Variants in PIGL observed in about 807,000 individuals in gnomAD.
The protein encoded by PIGL is N-acetylglucosaminyl-phosphatidylinositol de-N-acetylase.
PIGL carries 22 observed loss-of-function variants against 31.1 expected under a neutral mutation model. The observed-to-expected ratio is 0.71, with a 90% confidence interval of 0.51 to 1.01. The LOEUF (loss-of-function observed/expected upper bound fraction) is 1.01, where lower values mean the gene tolerates loss of function less well. PIGL is among the 50% of genes least tolerant of loss of function. The pLI is 0.00. For synonymous variants in PIGL, 131 were observed against 117.4 expected (o/e 1.12, Z -0.75); for missense variants, 302 against 315.9 (o/e 0.96, Z 0.33).
chr17:16,219,986 G>A (rs1284249595), intron 1 of PIGL, among the ~76,000 whole-genome samples: 1 of 152,092 alleles, frequency 6.6e-6, no homozygotes, highest in Non-Finnish European at 1.5e-5. Flanking sequence ...AGGTATAGCT[G>A]TTTAATAAAC....
At chr17:16,313,501 A>G in intron 3 of PIGL, 46 bp from the exon 4 acceptor site, 1 of 1,334,824 alleles carries the variant, frequency 7.5e-7, no homozygotes, top group Non-Finnish European at 1.1e-6. Context: ...ATTGAAGTTG[A>G]GGTGGTGGAG....
At chr17:16,264,355 A>G (rs1020348154) in intron 2 of PIGL, among the ~76,000 whole-genome samples, 5 of 152,114 alleles carry the variant, frequency 3.3e-5, no homozygotes, top group African/African-American at 1.2e-4. Flanking sequence ...CATGTTGGCC[A>G]GGCTGGTCTC....
chr17:16,325,324 A>G (rs76379096), intron 6 of PIGL, among the ~76,000 whole-genome samples: 8,158 of 109,832 alleles, frequency 0.074, 380 homozygotes, highest in African/African-American at 0.15. Context: ...CAGCCTGGGC[A>G]ACAGGCTCAA....
chr17:16,256,800 T>A (rs920173715), intron 2 of PIGL, among the ~76,000 whole-genome samples: 1 of 151,024 alleles, frequency 6.6e-6, no homozygotes, highest in Non-Finnish European at 1.5e-5. Context: ...GCTCAAGTGA[T>A]CCTCAGCCTC....
At chr17:16,260,845 C>T (rs2092816349) in intron 2 of PIGL, among the ~76,000 whole-genome samples, 1 of 152,110 alleles carries the variant, frequency 6.6e-6, no homozygotes, top group Admixed American at 6.6e-5. Context: ...TACAGCCGGT[C>T]ACAGTGGCTC....
At chr17:16,258,599 G>A (rs933702245) in intron 2 of PIGL, among the ~76,000 whole-genome samples, 1 of 152,006 alleles carries the variant, frequency 6.6e-6, no homozygotes, top group Non-Finnish European at 1.5e-5. Context: ...CGCCTCCCGG[G>A]CCCAAGCGAT....
chr17:16,244,681 T>G (rs1394200825), intron 2 of PIGL, among the ~76,000 whole-genome samples: 3 of 152,060 alleles, frequency 2.0e-5, no homozygotes, highest in East Asian at 1.9e-4. Context: ...TTGGTTTTTG[T>G]TTTTTGCTTT....
intron 2 of PIGL, among the ~76,000 whole-genome samples, chr17:16,252,326 C>T (rs2092776301): frequency 6.6e-6 from 1 of 151,984 alleles, no homozygotes; most frequent in Non-Finnish European, 1.5e-5. Flanking sequence ...CCCGCCTTGG[C>T]CTCCCAAACT....
intron 1 of PIGL, among the ~76,000 whole-genome samples, chr17:16,223,832 C>G (rs991264389): frequency 2.6e-5 from 4 of 152,128 alleles, no homozygotes; most frequent in Non-Finnish European, 5.9e-5. Context: ...CTAGACTGCA[C>G]TGCCAGCTCT....
chr17:16,305,145 C>T (rs1461327917), intron 3 of PIGL, among the ~76,000 whole-genome samples: 2 of 152,116 alleles, frequency 1.3e-5, no homozygotes, highest in Non-Finnish European at 2.9e-5. Flanking sequence ...GGTGTGGTAG[C>T]ATGCACTTAT....
chr17:16,235,749 G>A (rs1054827082), intron 2 of PIGL, among the ~76,000 whole-genome samples: 7 of 139,096 alleles, frequency 5.0e-5, no homozygotes, highest in African/African-American at 5.2e-5. Flanking sequence ...CACTGTGTCC[G>A]GTCTTTTTTT....
At position 16,255,990 on chromosome 17, in the gene PIGL, A is replaced by C. The variant is rs188467320; in HGVS notation, c.335+21920A>C. 1.4e-3 allele frequency among the ~76,000 whole-genome samples: 218 copies of C among 152,276 alleles called. 2 individuals are homozygous for C. Among genetic ancestry groups the C allele is most frequent in the African/African-American group, 4.7e-3 (197 of 41,548 alleles). ...AGATTATTCTGGGAACTGAAGGGAGACTGAGCCTTCAAGTAATATGACTAG... is the reference window on the plus strand; with the variant it reads ...AGATTATTCTGGGAACTGAAGGGAGCCTGAGCCTTCAAGTAATATGACTAG... On this transcript the variant is annotated intron_variant, in intron 2 of 6. Coordinates refer to ENST00000225609, the MANE Select transcript of PIGL (RefSeq NM_004278.4).
chr17:16,245,820 A>ATTT lies in PIGL; in HGVS notation c.335+11757_335+11759dup, dbSNP rs35458445. The stretch of plus-strand genomic sequence containing the variant: ...CACACACACACATATATATATATAT[A>ATTT]TTTTTTTTTGAGACGGAGTCTCGGA... On this transcript the variant is annotated intron_variant, in intron 2 of 6. Coordinates refer to ENST00000225609, the MANE Select transcript of PIGL (RefSeq NM_004278.4). Among the ~76,000 whole-genome samples the ATTT allele has an allele frequency of 1.2e-3, 174 of 140,716 alleles. 2 individuals carry two copies. Among genetic ancestry groups the ATTT allele is most frequent in the African/African-American group, 4.1e-3 (143 of 34,864 alleles). The allele number at this position is 140,716 out of a possible 152,430, so 92.3% of individuals were successfully genotyped here.
intron 2 of PIGL, among the ~76,000 whole-genome samples, chr17:16,275,926 C>G (rs1038474164): frequency 6.6e-6 from 1 of 151,864 alleles, no homozygotes; most frequent in East Asian, 1.9e-4. Context: ...CAAGAGGCTG[C>G]GGCAGGAGAA....
intron 3 of PIGL, among the ~76,000 whole-genome samples, chr17:16,305,354 G>A (rs978944113): frequency 6.6e-6 from 1 of 152,132 alleles, no homozygotes; most frequent in Non-Finnish European, 1.5e-5. Context: ...AACTATCCTA[G>A]GTGAGAACCA....
intron 2 of PIGL, among the ~76,000 whole-genome samples, chr17:16,281,478 A>G (rs2092916423): frequency 6.6e-6 from 1 of 152,224 alleles, no homozygotes; most frequent in South Asian, 2.1e-4. Context: ...GCAAAGCCAG[A>G]TGCAACATTC....
chr17:16,271,353 A>G (rs1456184524), intron 2 of PIGL, among the ~76,000 whole-genome samples: 1 of 152,148 alleles, frequency 6.6e-6, no homozygotes, highest in African/African-American at 2.4e-5. Flanking sequence ...CTTGTGTTAG[A>G]TTATCTCTGA....
chr17:16,222,360 A>G lies in PIGL; in HGVS notation c.235+4899A>G, dbSNP rs536406010. On this transcript the variant is annotated intron_variant, in intron 1 of 6. Transcript: ENST00000225609. ...AGGCATCAGTAACTCTTGGATTTGC[A>G]TGAATAATTCATTCTAACAAGATCT... Among the ~76,000 whole-genome samples the G allele has an allele frequency of 1.3e-3, 195 of 152,100 alleles. 2 individuals carry two copies. The highest frequency in any genetic ancestry group is 4.6e-4 in the Admixed American group (7 of 15,222).
intron 3 of PIGL, among the ~76,000 whole-genome samples, chr17:16,310,488 C>G (rs1213046133): frequency 6.6e-6 from 1 of 152,096 alleles, no homozygotes; most frequent in Admixed American, 6.6e-5. Context: ...AATAACTGAT[C>G]GAAACTCATG....
Sources: gnomAD v4.1 joint callset for allele counts (sites outside exome capture counted in the v4.1 genomes callset) on GRCh38, gnomAD v4.1.1 for gene constraint, MANE v1.5 for transcripts, NCBI Gene and HGNC (gene_info 2026-07-23, HGNC 2026-07-21) for gene names.